Variants in PDSS2 observed in about 807,000 individuals in gnomAD.
PDSS2 encodes the protein decaprenyl diphosphate synthase subunit 2, also known as all trans-polyprenyl-diphosphate synthase PDSS2.
Under a neutral mutation model 44.5 loss-of-function variants are expected in PDSS2, and 31 were observed. The ratio of observed to expected loss-of-function variants is 0.70; its 90% CI spans 0.52 to 0.94. PDSS2 has a LOEUF of 0.94. PDSS2 is among the 40% of genes least tolerant of loss of function. The probability of loss-of-function intolerance (pLI) is 0.00; values close to 1 mark genes in which losing one functional copy is unlikely to be tolerated. For missense variants in PDSS2, 452 were observed against 482.2 expected (o/e 0.94, Z 0.59); for synonymous variants, 157 against 180.3 (o/e 0.87, Z 1.03).
intron 2 of PDSS2, among the ~76,000 whole-genome samples, chr6:107,319,001 T>TAC (rs1448573910): frequency 1.0e-5 from 1 of 99,482 alleles, no homozygotes; most frequent in Non-Finnish European, 2.3e-5. Context: ...AGAAAATATA[T>TAC]ATATATACAC....
At chr6:107,247,839 T>TAAAAAAAAAA (rs10648723) in intron 3 of PDSS2, among the ~76,000 whole-genome samples, 2 of 88,036 alleles carry the variant, frequency 2.3e-5, no homozygotes, top group Non-Finnish European at 4.1e-5. Flanking sequence ...CTGTCTCTAC[T>TAAAAAAAAAA]AAAAAAAAAA....
At chr6:107,211,010 A>T (rs960655117) in intron 5 of PDSS2, among the ~76,000 whole-genome samples, 17 of 149,798 alleles carry the variant, frequency 1.1e-4, no homozygotes, top group South Asian at 4.2e-4. Context: ...AAAAAAAAAA[A>T]TTTCAGATGA....
chr6:107,201,390 CAAAAAAAAAAAAAAA>C (rs747612959), intron 6 of PDSS2, among the ~76,000 whole-genome samples: 1 of 52,150 alleles, frequency 1.9e-5, no homozygotes, highest in Non-Finnish European at 3.1e-5. Context: ...CATACAAAAG[CAAAAAAAAAAAAAAA>C]AAAAAAAAAG....
At chr6:107,263,103 C>T (rs1353623124) in intron 3 of PDSS2, among the ~76,000 whole-genome samples, 1 of 151,736 alleles carries the variant, frequency 6.6e-6, no homozygotes, top group African/African-American at 2.4e-5. Flanking sequence ...GTTTGTTTTC[C>T]TATTTTATTT....
intron 1 of PDSS2, among the ~76,000 whole-genome samples, chr6:107,376,991 G>A (rs989431755): frequency 1.3e-5 from 2 of 151,532 alleles, no homozygotes; most frequent in Non-Finnish European, 2.9e-5. Context: ...AGGACTTCAT[G>A]TCTAAAACAC....
intron 2 of PDSS2, among the ~76,000 whole-genome samples, chr6:107,324,031 C>T (rs1385538283): frequency 6.6e-6 from 1 of 152,118 alleles, no homozygotes; most frequent in Non-Finnish European, 1.5e-5. Flanking sequence ...TCCAAAAGCT[C>T]TGGTGAAGTA....
At chr6:107,334,728 C>A (rs968030173) in intron 1 of PDSS2, among the ~76,000 whole-genome samples, 1 of 138,008 alleles carries the variant, frequency 7.2e-6, no homozygotes, top group Non-Finnish European at 1.6e-5. Context: ...AAAAAAAAAA[C>A]GTAGAGTCAG....
chr6:107,219,613 C>T (rs116962538), intron 4 of PDSS2, among the ~76,000 whole-genome samples: 7,652 of 152,192 alleles, frequency 0.05, 272 homozygotes, highest in Middle Eastern at 0.085. Context: ...AAATCTAATC[C>T]AGATATCACT....
chr6:107,334,374 C>G (rs377687811), intron 1 of PDSS2, 42 bp from the exon 2 acceptor site: 4 of 1,589,552 alleles, frequency 2.5e-6, no homozygotes, highest in East Asian at 2.2e-5. Flanking sequence ...TATACCCTCA[C>G]GAGATCATCA....
chr6:107,329,956 G>GA (rs1307410948), intron 2 of PDSS2, among the ~76,000 whole-genome samples: 1 of 146,682 alleles, frequency 6.8e-6, no homozygotes, highest in Admixed American at 6.9e-5. Context: ...AGCCGAGACT[G>GA]CATCACTTCA....
Position 107,298,942 on chromosome 6 carries a change from G to A in PDSS2, c.432-24715C>T, listed in dbSNP as rs145729263. On this transcript the variant is annotated intron_variant, in intron 2 of 7. Transcript: ENST00000369037. Reference sequence around the variant, plus strand: ...GAATCGCCTGAGCTCAGGAGTTTGAGACCAGCCTGGGCAACATAGCAAAAC... The same window carrying A: ...GAATCGCCTGAGCTCAGGAGTTTGAAACCAGCCTGGGCAACATAGCAAAAC... 2.8e-4 allele frequency among the ~76,000 whole-genome samples: 43 copies of A among 152,118 alleles called. No individual in the cohort carries two copies. In the East Asian group the frequency reaches 7.6e-3, roughly 27 times the overall value.
intron 7 of PDSS2, among the ~76,000 whole-genome samples, chr6:107,190,717 A>AG (rs1772343688): frequency 6.6e-6 from 1 of 152,160 alleles, no homozygotes; most frequent in African/African-American, 2.4e-5. Flanking sequence ...TTCTAAGCAG[A>AG]GGGGACAGCA....
intron 4 of PDSS2, among the ~76,000 whole-genome samples, chr6:107,239,242 A>C (rs1368677748): frequency 2.0e-5 from 3 of 152,194 alleles, no homozygotes; most frequent in African/African-American, 7.2e-5. Flanking sequence ...GTGCCACTGC[A>C]CTCCAGCCTG....
rs1197425179 is a variant in PDSS2, at chr6:107,407,617, A to G, written c.296+51373T>C. 2.6e-5 allele frequency among the ~76,000 whole-genome samples: 4 copies of G among 152,232 alleles called. No homozygotes were observed. In the East Asian group the frequency reaches 7.7e-4, roughly 29 times the overall value. ...ACTTTACCACAGGTGACATATTTTT[A>G]TAATTTTAGAAGAATTATAGGAAGC... On this transcript the variant is annotated intron_variant, in intron 1 of 7. Transcript: ENST00000369037.
At chr6:107,311,031 C>T (rs1047601675) in intron 2 of PDSS2, among the ~76,000 whole-genome samples, 2 of 151,426 alleles carry the variant, frequency 1.3e-5, no homozygotes, top group Admixed American at 1.3e-4. Flanking sequence ...GATTCTCCTG[C>T]CTCAGCCTCC....
intron 1 of PDSS2, among the ~76,000 whole-genome samples, chr6:107,406,759 G>T (rs1456177822): frequency 6.6e-6 from 1 of 152,214 alleles, no homozygotes; most frequent in East Asian, 1.9e-4. Flanking sequence ...CACAAGAGAA[G>T]AACCATAAGT....
intron 2 of PDSS2, among the ~76,000 whole-genome samples, chr6:107,305,086 T>C (rs572799094): frequency 3.3e-5 from 5 of 152,210 alleles, no homozygotes; most frequent in African/African-American, 9.6e-5. Context: ...TAAAGTCTCA[T>C]AGGTTTTAGA....
At chr6:107,296,122 A>T (rs957790418) in intron 2 of PDSS2, among the ~76,000 whole-genome samples, 1 of 152,214 alleles carries the variant, frequency 6.6e-6, no homozygotes, top group African/African-American at 2.4e-5. Flanking sequence ...TCTAGGAGTA[A>T]GGATGATATG....
intron 2 of PDSS2, among the ~76,000 whole-genome samples, chr6:107,305,963 T>C (rs1403559565): frequency 1.3e-5 from 2 of 152,176 alleles, no homozygotes; most frequent in Admixed American, 1.3e-4. Context: ...ATACCCATCA[T>C]CTAACCTGGT....
Sources: allele counts gnomAD v4.1 joint callset (sites outside exome capture counted in the v4.1 genomes callset), GRCh38; gene constraint gnomAD v4.1.1; transcripts MANE v1.5; gene names NCBI Gene and HGNC (gene_info 2026-07-23, HGNC 2026-07-21).